SPEF2: variants seen among roughly 807,000 people sequenced by gnomAD.
SPEF2 encodes sperm flagella and cilia-associated protein 2.
In SPEF2, 187 loss-of-function variants were observed where a neutral mutation model predicts 224.6. The observed-to-expected ratio is 0.83, with a 90% CI of 0.74 to 0.94. The LOEUF is 0.94. SPEF2 is among the 40% of genes least tolerant of loss of function. The pLI, the probability that SPEF2 is intolerant of heterozygous loss-of-function variation, is 0.00. For synonymous variants in SPEF2, 715 were observed against 707.3 expected, an observed-to-expected ratio of 1.01 and a Z score of -0.17; for missense variants, 2,170 against 2,135.6, an observed-to-expected ratio of 1.02 and a Z score of -0.32.
intron 23 of SPEF2, among the ~76,000 whole-genome samples, chr5:35,742,430 T>C (rs1436451963): frequency 6.6e-6 from 1 of 152,072 alleles, no homozygotes; most frequent in Non-Finnish European, 1.5e-5. Flanking sequence ...CAGTAAGAAC[T>C]TGTAAATTTT....
chr5:35,709,826 G>T, intron 19 of SPEF2: 4 of 985,320 alleles, frequency 4.1e-6, no homozygotes, highest in Non-Finnish European at 4.8e-6. Context: ...GTATCCATTT[G>T]TGTGTGTATA....
chr5:35,796,222 A>C (rs1756637599), intron 33 of SPEF2, among the ~76,000 whole-genome samples: 1 of 152,230 alleles, frequency 6.6e-6, no homozygotes, highest in African/African-American at 2.4e-5. Flanking sequence ...ATAGCCCATC[A>C]GAGCTTGCTG....
intron 6 of SPEF2, among the ~76,000 whole-genome samples, chr5:35,651,146 A>G (rs963676468): frequency 6.6e-6 from 1 of 152,250 alleles, no homozygotes; most frequent in African/African-American, 2.4e-5. Context: ...CAGAAGTCCC[A>G]TATAACATTT....
At position 35,764,778 on chromosome 5, in the gene SPEF2, T is replaced by C. The variant is rs775863386; in HGVS notation, c.3801+1076T>C. On this transcript the variant is annotated intron_variant, in intron 26 of 36. Transcript: ENST00000356031. Reference sequence around the variant, plus strand: ...GGCTTCTTTTTCTCTGACCTTCTCATACAAGCAGCCTGTGTTTCCTTTCTT... The same window carrying C: ...GGCTTCTTTTTCTCTGACCTTCTCACACAAGCAGCCTGTGTTTCCTTTCTT... 4.4e-5 allele frequency: 20 copies of C among 453,716 alleles called. 1 individual carries two copies. The highest frequency in any genetic ancestry group is 3.1e-4 in the South Asian group (20 of 63,876). The allele number at this position is 453,716 out of a possible 1,614,324, so 28.1% of individuals were successfully genotyped here.
intron 26 of SPEF2, among the ~76,000 whole-genome samples, chr5:35,767,955 A>G (rs1192154372): frequency 6.6e-6 from 1 of 151,560 alleles, no homozygotes; most frequent in African/African-American, 2.4e-5. Flanking sequence ...AGTCCTAGCC[A>G]TCTGTAATTG....
chr5:35,718,742 C>T (rs1168382470), intron 20 of SPEF2, among the ~76,000 whole-genome samples: 3 of 152,152 alleles, frequency 2.0e-5, no homozygotes, highest in African/African-American at 4.8e-5. Context: ...AAACAGGAAG[C>T]TTGGGGTTGG....
At chr5:35,697,278 A>G (rs1230917876) in intron 14 of SPEF2, among the ~76,000 whole-genome samples, 1 of 152,192 alleles carries the variant, frequency 6.6e-6, no homozygotes, top group East Asian at 1.9e-4. Context: ...GCAGCAAACA[A>G]CAGGCAGAAA....
chr5:35,753,500 G>A, intron 23 of SPEF2, 124 bp from the exon 24 acceptor site: 1 of 1,250,474 alleles, frequency 8.0e-7, no homozygotes, highest in Non-Finnish European at 1.1e-6. Flanking sequence ...ATACAGGAGT[G>A]CAATTGGTGT....
chr5:35,700,669 C>T lies in SPEF2; in HGVS notation c.2315C>T (p.Pro772Leu), dbSNP rs758684531. ...AIDPATSKEI[P>L]LPSPAFDFVI... ...GATCCTGCGACTTCCAAAGAAATACCTCTTCCCTCTCCTGCATTTGATTTT... is the reference window on the plus strand; with the variant it reads ...GATCCTGCGACTTCCAAAGAAATACTTCTTCCCTCTCCTGCATTTGATTTT... The change falls in exon 16 of 37, where the codon CCT becomes CTT. Residue 772 changes from proline to leucine, a missense_variant. By Grantham distance (98) the Pro-to-Leu change is moderately conservative. Transcript: ENST00000356031. 1 of 1,613,960 alleles carries T rather than the reference C, an allele frequency of 6.2e-7. No individual in the cohort carries two copies. Among genetic ancestry groups the T allele is most frequent in the Non-Finnish European group, 8.5e-7 (1 of 1,179,926 alleles).
rs1193683652 is a variant in SPEF2 at position 35,770,019 on chromosome 5, G to GCA, written c.3802-1590_3802-1589insCA. 1.6e-3 allele frequency among the ~76,000 whole-genome samples: 214 copies of GCA among 134,626 alleles called. 1 individual carries two copies. Among genetic ancestry groups the GCA allele is most frequent in the South Asian group, 0.013 (57 of 4,362 alleles). The allele number at this position is 134,626 out of a possible 152,430, so 88.3% of individuals were successfully genotyped here. A position where few individuals can be genotyped will look rare whatever the true frequency, so the allele number is the denominator to read the frequency against. On this transcript the variant is annotated intron_variant, in intron 26 of 36. Transcript: ENST00000356031. ...TGTGTGTGTGTGTGTGTGTGTGTGT[G>GCA]TGTGCATGTGCGTGTGTGTGTGTGT...
At chr5:35,736,600 A>G (rs2149681132) in intron 21 of SPEF2, among the ~76,000 whole-genome samples, 1 of 152,156 alleles carries the variant, frequency 6.6e-6, no homozygotes, top group South Asian at 2.1e-4. Context: ...TGCTCCAATC[A>G]CCTCCTACCA....
Position 35,658,506 on chromosome 5 carries a change from T to A in SPEF2, c.979-513T>A, listed in dbSNP as rs140494546. ...GACAATGCCTGATTTGTTTTATAAC[T>A]AGTAGTTATGTTAAAATGCGTACAG... is the stretch of plus-strand genomic sequence containing the variant. On this transcript the variant is annotated intron_variant, in intron 7 of 36. Transcript: ENST00000356031. Among the ~76,000 whole-genome samples the A allele has an allele frequency of 2.0e-5, 3 of 152,350 alleles. No homozygotes were observed. The East Asian group carries it at 5.8e-4, about 29-fold the overall frequency.
At chr5:35,711,506 A>T (rs539300642) in intron 19 of SPEF2, among the ~76,000 whole-genome samples, 146 of 152,120 alleles carry the variant, frequency 9.6e-4, no homozygotes, top group Admixed American at 2.5e-3. Context: ...TATTTAATTG[A>T]GAATTAGTTC....
At chr5:35,648,777 G>T (rs1348918548) in intron 5 of SPEF2, among the ~76,000 whole-genome samples, 1 of 152,076 alleles carries the variant, frequency 6.6e-6, no homozygotes, top group Non-Finnish European at 1.5e-5. Flanking sequence ...ACTTTGGAAG[G>T]CCGAGGCGGG....
At chr5:35,769,979 T>C (rs557191800) in intron 26 of SPEF2, among the ~76,000 whole-genome samples, 1 of 146,164 alleles carries the variant, frequency 6.8e-6, no homozygotes, top group East Asian at 2.0e-4. Flanking sequence ...GTGTTGCTAC[T>C]GCCTCCATAA....
At chr5:35,715,281 AC>A (rs1299807129) in intron 20 of SPEF2, among the ~76,000 whole-genome samples, 1 of 63,656 alleles carries the variant, frequency 1.6e-5, no homozygotes, top group Non-Finnish European at 4.0e-5. Flanking sequence ...TTTTCTGAAG[AC>A]TTATGTTTTC....
chr5:35,747,698 G>A (rs1205343292), intron 23 of SPEF2, among the ~76,000 whole-genome samples: 1 of 152,052 alleles, frequency 6.6e-6, no homozygotes, highest in Non-Finnish European at 1.5e-5. Context: ...ATCACTAACA[G>A]ACCTAAGAAA....
chr5:35,618,641 T>C (rs1743004979), intron 1 of SPEF2, among the ~76,000 whole-genome samples: 1 of 152,168 alleles, frequency 6.6e-6, no homozygotes, highest in Non-Finnish European at 1.5e-5. Flanking sequence ...ATGTTAACAT[T>C]TACAAATTTT....
chr5:35,700,678 C>T lies in SPEF2; in HGVS notation c.2324C>T (p.Ser775Phe). The T allele has an allele frequency of 6.2e-7, 1 of 1,614,010 alleles. No individual in the cohort carries two copies. Among genetic ancestry groups the T allele is most frequent in the Admixed American group, 1.7e-5 (1 of 60,002 alleles). The change falls in exon 16 of 37, where the codon TCT becomes TTT. Residue 775 changes from serine (S) to phenylalanine (F), a missense_variant. By Grantham distance (155) the Ser-to-Phe change is radical (BLOSUM62 -2). Coordinates refer to ENST00000356031, the MANE Select transcript of SPEF2 (RefSeq NM_024867.4). ...ACTTCCAAAGAAATACCTCTTCCCT[C>T]TCCTGCATTTGATTTTGTCATATTA... ...PATSKEIPLPSPAFDFVILLD... is the reference protein window; with the variant it reads ...PATSKEIPLPFPAFDFVILLD...
Sources: allele counts gnomAD v4.1 joint callset (sites outside exome capture counted in the v4.1 genomes callset), GRCh38; gene constraint gnomAD v4.1.1; transcripts MANE v1.5; gene names NCBI Gene and HGNC (gene_info 2026-07-23, HGNC 2026-07-21).